The following SULF1 variants were observed in gnomAD, a reference collection of about 807,000 sequenced individuals.
SULF1 encodes extracellular sulfatase Sulf-1.
Under a neutral mutation model 110.5 loss-of-function variants are expected in SULF1, and 46 were observed. That is an observed-to-expected ratio of 0.42 (90% CI 0.33 to 0.53). The LOEUF (loss-of-function observed/expected upper bound fraction) is 0.53, where lower values mean the gene tolerates loss of function less well. SULF1 is among the 20% of genes least tolerant of loss of function. SULF1 has a pLI of 0.12. For synonymous variants in SULF1, 371 were observed against 387.1 expected (o/e 0.96, Z 0.49); for missense variants, 941 against 1,094.2 (o/e 0.86, Z 1.98).
chr8:69,640,748 G>T, intron 21 of SULF1, 60 bp from the exon 22 acceptor site: 3 of 1,450,432 alleles, frequency 2.1e-6, no homozygotes, highest in Non-Finnish European at 2.9e-6. Context: ...AAACTATATA[G>T]TGAATGGTTT....
At chr8:69,510,980 A>G (rs893315450) in intron 3 of SULF1, among the ~76,000 whole-genome samples, 2 of 151,730 alleles carry the variant, frequency 1.3e-5, no homozygotes, top group Non-Finnish European at 2.9e-5. Context: ...ACACACACAC[A>G]CACACATATT....
intron 5 of SULF1, among the ~76,000 whole-genome samples, chr8:69,568,384 G>C (rs1027878034): frequency 6.6e-5 from 10 of 152,204 alleles, no homozygotes; most frequent in African/African-American, 2.4e-4. Flanking sequence ...TTCATTATGA[G>C]CAGGAGCCCT....
At chr8:69,572,546 A>G (rs568980502) in intron 5 of SULF1, among the ~76,000 whole-genome samples, 1 of 152,162 alleles carries the variant, frequency 6.6e-6, no homozygotes, top group Non-Finnish European at 1.5e-5. Context: ...AGATCACTCA[A>G]AATTAGGCAC....
chr8:69,656,481 C>G (rs1481177678), intron 22 of SULF1, among the ~76,000 whole-genome samples: 1 of 152,142 alleles, frequency 6.6e-6, no homozygotes, highest in East Asian at 1.9e-4. Context: ...TCCCAACAAC[C>G]CCACAACAAG....
intron 17 of SULF1, 149 bp from the exon 18 acceptor site, chr8:69,628,022 C>T: frequency 5.7e-6 from 5 of 883,586 alleles, no homozygotes; most frequent in Non-Finnish European, 9.1e-6. Flanking sequence ...TATGCTTAAA[C>T]TTAAGCAGAA....
chr8:69,584,866 A>G (rs1806333453), intron 6 of SULF1, among the ~76,000 whole-genome samples: 1 of 152,242 alleles, frequency 6.6e-6, no homozygotes, highest in East Asian at 1.9e-4. Flanking sequence ...CTAAATACCT[A>G]TCCCATAGAG....
intron 3 of SULF1, among the ~76,000 whole-genome samples, chr8:69,522,014 C>T (rs1586294018): frequency 2.0e-5 from 3 of 149,712 alleles, no homozygotes; most frequent in Admixed American, 6.7e-5. Flanking sequence ...GAAAGGAAGA[C>T]AGAGAGAGAG....
At chr8:69,656,429 A>G (rs547247899) in intron 22 of SULF1, among the ~76,000 whole-genome samples, 1 of 152,264 alleles carries the variant, frequency 6.6e-6, no homozygotes, top group Admixed American at 6.5e-5. Flanking sequence ...CCTAGGTATT[A>G]AGCCCAGCAT....
intron 3 of SULF1, among the ~76,000 whole-genome samples, chr8:69,540,519 A>G (rs1056160837): frequency 6.6e-6 from 1 of 152,220 alleles, no homozygotes; most frequent in African/African-American, 2.4e-5. Flanking sequence ...TCAGATTCAG[A>G]ACTCCCTTCC....
chr8:69,601,896 C>A, intron 10 of SULF1, 67 bp downstream of exon 10: 2 of 1,442,206 alleles, frequency 1.4e-6, no homozygotes, highest in Admixed American at 2.2e-5. Context: ...AATTCAATTA[C>A]CAGTCTCAGT....
chr8:69,644,760 C>CA (rs59189043), intron 22 of SULF1, among the ~76,000 whole-genome samples: 371 of 115,038 alleles, frequency 3.2e-3, no homozygotes, highest in East Asian at 0.016. Flanking sequence ...GACGCCGTCT[C>CA]AAAAAAAAAA....
At chr8:69,586,060 T>C (rs2150765085) in intron 6 of SULF1, among the ~76,000 whole-genome samples, 1 of 152,320 alleles carries the variant, frequency 6.6e-6, no homozygotes, top group Admixed American at 6.5e-5. Context: ...CATAGCCTGA[T>C]TTTACTCCAG....
intron 3 of SULF1, among the ~76,000 whole-genome samples, chr8:69,506,570 G>A (rs959132844): frequency 6.6e-6 from 1 of 152,164 alleles, no homozygotes; most frequent in Admixed American, 6.5e-5. Flanking sequence ...GCCATCTTTT[G>A]CAGGCTCCTC....
chr8:69,608,150 G>A (rs553863359), intron 13 of SULF1, among the ~76,000 whole-genome samples: 23 of 152,250 alleles, frequency 1.5e-4, no homozygotes, highest in Admixed American at 6.5e-4. Flanking sequence ...AATATTGGCC[G>A]CCACCACTTT....
rs985811425 is a variant in SULF1 at position 69,505,576 on chromosome 8, G to A, written c.-134+3608G>A. 2.5e-4 allele frequency among the ~76,000 whole-genome samples: 38 copies of A among 152,160 alleles called. 1 individual carries two copies. The highest frequency in any genetic ancestry group is 6.2e-4 in the South Asian group (3 of 4,826). On this transcript the variant is annotated intron_variant, in intron 3 of 22. Coordinates refer to ENST00000402687, the MANE Select transcript of SULF1 (RefSeq NM_001128205.2). ...TTAAATTTAGTATATTAATCTAAAT[G>A]TAGGTGGTTTTTAAAATTGCCCGTA...
At chr8:69,528,602 C>T (rs1176759500) in intron 3 of SULF1, among the ~76,000 whole-genome samples, 2 of 152,128 alleles carry the variant, frequency 1.3e-5, no homozygotes, top group African/African-American at 4.8e-5. Flanking sequence ...TTTTATAAAT[C>T]CAACTTTTGG....
At chr8:69,509,849 C>T (rs1408341139) in intron 3 of SULF1, among the ~76,000 whole-genome samples, 1 of 152,160 alleles carries the variant, frequency 6.6e-6, no homozygotes, top group Non-Finnish European at 1.5e-5. Flanking sequence ...AAATGTCCCT[C>T]CTGGGTAAAA....
At chr8:69,607,693 ATCTTGGCCTTTTGCTCTT>A (rs1808328024) in intron 13 of SULF1, among the ~76,000 whole-genome samples, 1 of 152,030 alleles carries the variant, frequency 6.6e-6, no homozygotes, top group Admixed American at 6.5e-5. Context: ...GACTTTTTAT[ATCTTGGCCTTTTGCTCTT>A]TCTTTCTGGC....
At chr8:69,503,446 A>G (rs947255762) in intron 3 of SULF1, among the ~76,000 whole-genome samples, 9 of 152,226 alleles carry the variant, frequency 5.9e-5, no homozygotes, top group African/African-American at 1.9e-4. Context: ...AAATATTCTA[A>G]AACAGTAACT....
Sources: gnomAD v4.1 joint callset for allele counts (sites outside exome capture counted in the v4.1 genomes callset) on GRCh38, gnomAD v4.1.1 for gene constraint, MANE v1.5 for transcripts, NCBI Gene and HGNC (gene_info 2026-07-23, HGNC 2026-07-21) for gene names.